ST8SIA2: variants seen among roughly 807,000 people sequenced by gnomAD.
The protein encoded by ST8SIA2 is ST8 alpha-N-acetyl-neuraminide alpha-2,8-sialyltransferase 2.
Under a neutral mutation model 37.6 loss-of-function variants are expected in ST8SIA2, and 22 were observed. That is an observed-to-expected ratio of 0.58 (90% confidence interval 0.42 to 0.83). The LOEUF is 0.83. ST8SIA2 is among the 40% of genes least tolerant of loss of function. ST8SIA2 has a pLI of 0.00. For missense variants in ST8SIA2, 382 were observed against 484.7 expected (o/e 0.79, Z 1.99); for synonymous variants, 205 against 201.2 (o/e 1.02, Z -0.16).
At chr15:92,412,037 A>G in intron 1 of ST8SIA2, among the ~76,000 whole-genome samples, 1 of 152,178 alleles carries the variant, frequency 6.6e-6, no homozygotes, top group East Asian at 1.9e-4. Context: ...CGAGGGCCTC[A>G]GGCCAGGTTG....
chr15:92,464,187 C>G lies in ST8SIA2; in HGVS notation c.930C>G (p.Ile310Met), dbSNP rs1255222239. Residue 310 changes from isoleucine to methionine, a missense_variant, in exon 6 of 6, where the codon ATC becomes ATG. By Grantham distance (10) the Ile-to-Met change is conservative (BLOSUM62 1). Transcript: ENST00000268164. ...YTLATRFCKQ[I>M]YLYGFWPFPL... ...TGGCCACACGTTTCTGCAAACAAAT[C>G]TACCTCTACGGCTTCTGGCCCTTTC... 1 of 1,528,324 alleles carries G rather than the reference C, an allele frequency of 6.5e-7. No homozygotes were observed. The highest frequency in any genetic ancestry group is 2.6e-5 in the East Asian group (1 of 38,048). 94.7% of individuals were successfully genotyped at this position (1,528,324 alleles called of 1,614,324 possible). A position where few individuals can be genotyped will look rare whatever the true frequency, so the allele number is the denominator to read the frequency against.
chr15:92,429,047 C>G (rs770994089), intron 1 of ST8SIA2, among the ~76,000 whole-genome samples: 4 of 152,136 alleles, frequency 2.6e-5, no homozygotes, highest in Non-Finnish European at 5.9e-5. Flanking sequence ...TAACTCCCCC[C>G]GCAGTGTTCT....
intron 1 of ST8SIA2, among the ~76,000 whole-genome samples, chr15:92,399,043 G>C (rs1319814328): frequency 6.6e-6 from 1 of 152,158 alleles, no homozygotes; most frequent in Non-Finnish European, 1.5e-5. Context: ...CCATGCTGGA[G>C]GACAGAATGG....
chr15:92,422,511 T>C (rs1244960015), intron 1 of ST8SIA2: 1 of 152,272 alleles, frequency 6.6e-6, no homozygotes, highest in Non-Finnish European at 1.5e-5. Context: ...TGCCTCCTAC[T>C]CAAGGTGAAT....
chr15:92,430,492 A>C (rs1321235406), intron 2 of ST8SIA2, among the ~76,000 whole-genome samples: 1 of 152,252 alleles, frequency 6.6e-6, no homozygotes, highest in East Asian at 1.9e-4. Flanking sequence ...CAGGAGGTTA[A>C]GATGGAAAAT....
chr15:92,405,828 C>T (rs957449336), intron 1 of ST8SIA2, among the ~76,000 whole-genome samples: 3 of 152,198 alleles, frequency 2.0e-5, no homozygotes, highest in Non-Finnish European at 4.4e-5. Flanking sequence ...TGTGTGGCCA[C>T]TCTGAATTCT....
chr15:92,415,714 C>A (rs2049581628), intron 1 of ST8SIA2, among the ~76,000 whole-genome samples: 1 of 152,058 alleles, frequency 6.6e-6, no homozygotes. Flanking sequence ...TAAACAGTAG[C>A]CTCTGATTTT....
chr15:92,449,445 A>G (rs1034671933), intron 5 of ST8SIA2, among the ~76,000 whole-genome samples: 7 of 152,188 alleles, frequency 4.6e-5, no homozygotes, highest in Admixed American at 2.0e-4. Flanking sequence ...TGTCCTTGCT[A>G]TTGTGAATAG....
intron 1 of ST8SIA2, among the ~76,000 whole-genome samples, chr15:92,412,650 T>C (rs2049558172): frequency 6.6e-6 from 1 of 151,938 alleles, no homozygotes; most frequent in African/African-American, 2.4e-5. Flanking sequence ...GTGTTTTTGT[T>C]TTTGTTTTGT....
At chr15:92,431,695 A>G (rs1429337918) in intron 2 of ST8SIA2, among the ~76,000 whole-genome samples, 1 of 152,340 alleles carries the variant, frequency 6.6e-6, no homozygotes, top group Admixed American at 6.5e-5. Context: ...GTGTTTGTGC[A>G]GCACACAGCA....
In ST8SIA2 at chr15:92,463,503, G is replaced by T. The variant is rs150214589; in HGVS notation, c.843-597G>T. ...AGGCAAGGATGGAATCAGGAATGCA[G>T]ATCCGCGAGGGGACGCCCTGTGGGA... On this transcript the variant is annotated intron_variant, in intron 5 of 5. Coordinates refer to ENST00000268164, the MANE Select transcript of ST8SIA2 (RefSeq NM_006011.4). 5.3e-3 allele frequency among the ~76,000 whole-genome samples: 814 copies of T among 152,306 alleles called. 5 individuals carry two copies. Among genetic ancestry groups the T allele is most frequent in the African/African-American group, 0.018 (753 of 41,556 alleles).
At chr15:92,395,771 C>T (rs8029338) in intron 1 of ST8SIA2, among the ~76,000 whole-genome samples, 10,775 of 152,172 alleles carry the variant, frequency 0.071, 1,257 homozygotes, top group African/African-American at 0.24. Flanking sequence ...GATGTGGGCA[C>T]TGCCCGGCTC....
chr15:92,431,267 T>A (rs1050880902), intron 2 of ST8SIA2, among the ~76,000 whole-genome samples: 1 of 152,144 alleles, frequency 6.6e-6, no homozygotes. Context: ...GAATCAAGTA[T>A]GAGAAGTGGA....
Position 92,419,304 on chromosome 15 carries a change from G to A in ST8SIA2, c.99-10745G>A, listed in dbSNP as rs962402524. 4.6e-5 allele frequency among the ~76,000 whole-genome samples: 7 copies of A among 152,234 alleles called. No individual in the cohort carries two copies. The South Asian group carries it at 6.2e-4, about 14-fold the overall frequency. The stretch of plus-strand genomic sequence containing the variant: ...GGAAACAGAGACAACTAGTGTAGAC[G>A]GACCTGAGAAAGTTTGCAAAGAGCT... On this transcript the variant is annotated intron_variant, in intron 1 of 5. Coordinates refer to ENST00000268164, the MANE Select transcript of ST8SIA2 (RefSeq NM_006011.4).
At chr15:92,463,405 C>A (rs2049970191) in intron 5 of ST8SIA2, among the ~76,000 whole-genome samples, 1 of 152,196 alleles carries the variant, frequency 6.6e-6, no homozygotes, top group Non-Finnish European at 1.5e-5. Context: ...AGGGTAGTCA[C>A]CCTTGGTCAG....
In ST8SIA2 at chr15:92,454,884, G is replaced by A. The variant is rs982857727; in HGVS notation, c.843-9216G>A. Reference sequence around the variant, plus strand: ...ATGGCTCTAATTTAATTACAACATCGAAGGAGGCTGCGACCCACAGAGACG... The same window carrying A: ...ATGGCTCTAATTTAATTACAACATCAAAGGAGGCTGCGACCCACAGAGACG... On this transcript the variant is annotated intron_variant, in intron 5 of 5. Coordinates refer to ENST00000268164, the MANE Select transcript of ST8SIA2 (RefSeq NM_006011.4). Among the ~76,000 whole-genome samples, 6 of 151,992 alleles carry A rather than the reference G, an allele frequency of 3.9e-5. No homozygotes were observed. In the East Asian group the frequency reaches 5.8e-4, roughly 15 times the overall value.
chr15:92,408,268 T>C (rs946953491), intron 1 of ST8SIA2, among the ~76,000 whole-genome samples: 4 of 151,654 alleles, frequency 2.6e-5, no homozygotes, highest in African/African-American at 9.7e-5. Context: ...CTTTCACCCC[T>C]GCAACACCAC....
At chr15:92,433,670 G>A (rs2049733268) in intron 2 of ST8SIA2, among the ~76,000 whole-genome samples, 1 of 152,196 alleles carries the variant, frequency 6.6e-6, no homozygotes, top group African/African-American at 2.4e-5. Flanking sequence ...AAATGAATGT[G>A]GGAGATCCCT....
chr15:92,431,529 T>C (rs1176378623), intron 2 of ST8SIA2, among the ~76,000 whole-genome samples: 1 of 152,162 alleles, frequency 6.6e-6, no homozygotes, highest in Non-Finnish European at 1.5e-5. Context: ...ATCTGTGGCA[T>C]GAAAAGAAGG....
Sources: gnomAD v4.1 joint callset for allele counts (sites outside exome capture counted in the v4.1 genomes callset) on GRCh38, gnomAD v4.1.1 for gene constraint, MANE v1.5 for transcripts, NCBI Gene and HGNC (gene_info 2026-07-23, HGNC 2026-07-21) for gene names.